RUNDC3B: variants seen among roughly 807,000 people sequenced by gnomAD.
RUNDC3B encodes RUN domain-containing protein 3B.
RUNDC3B carries 33 observed loss-of-function variants against 58.4 expected under a neutral mutation model. The ratio of observed to expected loss-of-function variants is 0.56; its 90% CI spans 0.43 to 0.75. The LOEUF (loss-of-function observed/expected upper bound fraction) is 0.75, where lower values mean the gene tolerates loss of function less well. Ranked by LOEUF, RUNDC3B falls within the 30% of genes least tolerant of loss-of-function variation. The pLI, the probability that RUNDC3B is intolerant of heterozygous loss-of-function variation, is 0.00. For missense variants in RUNDC3B, 501 were observed against 535.7 expected, an observed-to-expected ratio of 0.94 and a Z score of 0.64; for synonymous variants, 193 against 195.2, an observed-to-expected ratio of 0.99 and a Z score of 0.10.
At chr7:87,750,874 T>C (rs1832938879) in intron 6 of RUNDC3B, among the ~76,000 whole-genome samples, 1 of 151,638 alleles carries the variant, frequency 6.6e-6, no homozygotes. Context: ...GCAGAAGCTC[T>C]TTAGTTTAAT....
At chr7:87,774,416 A>G (rs981892482) in intron 7 of RUNDC3B, among the ~76,000 whole-genome samples, 1 of 152,096 alleles carries the variant, frequency 6.6e-6, no homozygotes, top group African/African-American at 2.4e-5. Context: ...TAAAAAAGAA[A>G]CAGAATTAAC....
At chr7:87,674,801 G>C (rs1202323434) in intron 2 of RUNDC3B, among the ~76,000 whole-genome samples, 1 of 152,158 alleles carries the variant, frequency 6.6e-6, no homozygotes, top group Admixed American at 6.5e-5. Flanking sequence ...TAGCTGACAG[G>C]AGGGTGCTTA....
At chr7:87,693,022 G>A (rs1828153088) in intron 2 of RUNDC3B, among the ~76,000 whole-genome samples, 1 of 151,926 alleles carries the variant, frequency 6.6e-6, no homozygotes, top group Non-Finnish European at 1.5e-5. Flanking sequence ...GTCTTTTATT[G>A]GTTTTATAAA....
chr7:87,826,725 A>G lies in RUNDC3B; in HGVS notation c.1226-3160A>G, dbSNP rs766704251. 1.3e-4 allele frequency among the ~76,000 whole-genome samples: 20 copies of G among 152,194 alleles called. 1 individual carries two copies. Among genetic ancestry groups the G allele is most frequent in the Non-Finnish European group, 2.6e-4 (18 of 68,026 alleles). On this transcript the variant is annotated intron_variant, in intron 10 of 10. Coordinates refer to ENST00000394654, the MANE Select transcript of RUNDC3B (RefSeq NM_001134405.2). ...ACAACGTTTGGAAGTAAATGAAGAC[A>G]TAATATACAAATTGAAAGATCTAAC...
chr7:87,700,875 G>T (rs1429202668), intron 3 of RUNDC3B, among the ~76,000 whole-genome samples: 2 of 152,202 alleles, frequency 1.3e-5, no homozygotes, highest in Non-Finnish European at 2.9e-5. Flanking sequence ...CACAATGGTG[G>T]ATAAAACTGT....
intron 4 of RUNDC3B, among the ~76,000 whole-genome samples, chr7:87,715,037 A>G (rs935847794): frequency 5.3e-5 from 8 of 151,400 alleles, no homozygotes; most frequent in African/African-American, 1.5e-4. Context: ...TTCTGTAGCA[A>G]TAGTTTCAGG....
intron 8 of RUNDC3B, among the ~76,000 whole-genome samples, chr7:87,802,898 T>G (rs1041436680): frequency 6.6e-6 from 1 of 152,060 alleles, no homozygotes; most frequent in Non-Finnish European, 1.5e-5. Flanking sequence ...GGTGGGAGGA[T>G]CACTTGACCC....
At chr7:87,672,398 C>T (rs999648613) in intron 2 of RUNDC3B, among the ~76,000 whole-genome samples, 3 of 152,126 alleles carry the variant, frequency 2.0e-5, no homozygotes, top group Non-Finnish European at 2.9e-5. Context: ...CTCCCCTGGA[C>T]GCTCCTCCCT....
chr7:87,806,820 T>C (rs1281507401), intron 8 of RUNDC3B, among the ~76,000 whole-genome samples: 1 of 152,128 alleles, frequency 6.6e-6, no homozygotes, highest in Non-Finnish European at 1.5e-5. Context: ...AAAACAGTCA[T>C]GGGATTCAAG....
chr7:87,816,202 G>T lies in RUNDC3B; in HGVS notation c.1165G>T (p.Asp389Tyr). 3.7e-6 allele frequency: 6 copies of T among 1,610,822 alleles called. No homozygotes were observed. The highest frequency in any genetic ancestry group is 4.2e-6 in the Non-Finnish European group (5 of 1,177,238). ...AGTTAGCCTTTCTCAGACTTCACTA[G>T]ATCCAGGCCAGTCACAAGAAGGAGA... ...AEVSLSQTSLDPGQSQEGDGK... is the reference protein window; with the variant it reads ...AEVSLSQTSLYPGQSQEGDGK... The change falls in exon 10 of 11, where the codon GAT becomes TAT. Residue 389 changes from aspartate to tyrosine, a missense_variant. Coordinates refer to ENST00000394654, the MANE Select transcript of RUNDC3B (RefSeq NM_001134405.2).
chr7:87,697,163 A>G (rs959993285), intron 2 of RUNDC3B, among the ~76,000 whole-genome samples: 1 of 152,200 alleles, frequency 6.6e-6, no homozygotes, highest in Non-Finnish European at 1.5e-5. Flanking sequence ...CTTCTTGTTC[A>G]TGGACAACCT....
At chr7:87,646,750 G>A (rs1238931040) in intron 1 of RUNDC3B, among the ~76,000 whole-genome samples, 3 of 142,742 alleles carry the variant, frequency 2.1e-5, no homozygotes, top group African/African-American at 7.6e-5. Flanking sequence ...GGGATTGGCA[G>A]CATTATTCTT....
In RUNDC3B at chr7:87,766,432, G is replaced by C. The variant is rs546245344; in HGVS notation, c.630-4149G>C. ...CCTTTGATCATTTCTTGTAGGACTA[G>C]TCTAATCGTGATTAATTCCCTTAGT... On this transcript the variant is annotated intron_variant, in intron 6 of 10. Transcript: ENST00000394654. Among the ~76,000 whole-genome samples the C allele has an allele frequency of 2.0e-5, 3 of 152,206 alleles. No homozygotes were observed. In the East Asian group the frequency reaches 5.8e-4, roughly 29 times the overall value.
intron 6 of RUNDC3B, among the ~76,000 whole-genome samples, chr7:87,748,510 A>T (rs1832779857): frequency 6.6e-6 from 1 of 152,162 alleles, no homozygotes; most frequent in African/African-American, 2.4e-5. Flanking sequence ...CTCCATGATG[A>T]TCTACAATCT....
chr7:87,630,091 A>G (rs1563086096), intron 1 of RUNDC3B, among the ~76,000 whole-genome samples: 1 of 152,218 alleles, frequency 6.6e-6, no homozygotes, highest in South Asian at 2.1e-4. Flanking sequence ...TTTTAAAATT[A>G]CTTTCCTCCA....
At chr7:87,828,249 G>T (rs868763294) in intron 10 of RUNDC3B, among the ~76,000 whole-genome samples, 2 of 151,940 alleles carry the variant, frequency 1.3e-5, no homozygotes, top group South Asian at 2.1e-4. Flanking sequence ...ATTCAAAGGG[G>T]TGTATTTGCA....
chr7:87,652,135 A>G (rs1823639590), intron 2 of RUNDC3B, among the ~76,000 whole-genome samples: 1 of 152,136 alleles, frequency 6.6e-6, no homozygotes, highest in Non-Finnish European at 1.5e-5. Flanking sequence ...ATGCCTAACT[A>G]AAAAGCATAT....
intron 6 of RUNDC3B, among the ~76,000 whole-genome samples, chr7:87,747,494 C>A (rs1219661388): frequency 6.6e-6 from 1 of 152,156 alleles, no homozygotes; most frequent in Non-Finnish European, 1.5e-5. Context: ...CAGAGAGCAT[C>A]AGCTGTGGTA....
At chr7:87,698,555 G>A (rs1251753004) in intron 2 of RUNDC3B, among the ~76,000 whole-genome samples, 5 of 152,080 alleles carry the variant, frequency 3.3e-5, no homozygotes, top group Admixed American at 3.3e-4. Flanking sequence ...CAAAACTATT[G>A]CTATAAAAAG....
Sources: gnomAD v4.1 joint callset for allele counts (sites outside exome capture counted in the v4.1 genomes callset) on GRCh38, gnomAD v4.1.1 for gene constraint, MANE v1.5 for transcripts, NCBI Gene and HGNC (gene_info 2026-07-23, HGNC 2026-07-21) for gene names.